MAMDC2: variants seen among roughly 807,000 people sequenced by gnomAD.
MAMDC2 encodes the protein MAM domain-containing protein 2.
Under a neutral mutation model 89.8 loss-of-function variants are expected in MAMDC2, and 57 were observed. That is an observed-to-expected ratio of 0.63 (90% CI 0.51 to 0.79). The LOEUF (loss-of-function observed/expected upper bound fraction) is 0.79. Among genes scored for constraint, MAMDC2 ranks in the 30% least tolerant of loss-of-function variants. MAMDC2 has a pLI of 0.00. For missense variants in MAMDC2, 800 were observed against 820.6 expected, an observed-to-expected ratio of 0.97 and a Z score of 0.31; for synonymous variants, 313 against 293.4, an observed-to-expected ratio of 1.07 and a Z score of -0.68.
At chr9:70,087,228 C>G (rs1827789459) in intron 2 of MAMDC2, 1 of 152,054 alleles carries the variant, frequency 6.6e-6, no homozygotes, top group Admixed American at 6.6e-5. Context: ...CTTTTGGACC[C>G]CAAGTGAAAA....
intron 11 of MAMDC2, among the ~76,000 whole-genome samples, chr9:70,196,158 G>A (rs536130826): frequency 6.6e-6 from 1 of 152,000 alleles, no homozygotes; most frequent in South Asian, 2.1e-4. Flanking sequence ...CACCATAACA[G>A]TATGGGGGGA....
intron 11 of MAMDC2, chr9:70,217,503 T>G (rs1587581119): frequency 6.6e-7 from 1 of 1,512,530 alleles, no homozygotes; most frequent in Admixed American, 1.7e-5. Context: ...TTAGAAAGGC[T>G]CAACGAGAAC....
chr9:70,198,490 T>A (rs1335192472), intron 11 of MAMDC2, among the ~76,000 whole-genome samples: 3 of 152,082 alleles, frequency 2.0e-5, no homozygotes, highest in African/African-American at 7.2e-5. Context: ...CAAATGATAC[T>A]AGAATATATA....
chr9:70,209,279 A>G (rs1255080194), intron 11 of MAMDC2, among the ~76,000 whole-genome samples: 1 of 152,112 alleles, frequency 6.6e-6, no homozygotes, highest in Non-Finnish European at 1.5e-5. Context: ...TTTGGTTGGT[A>G]GGCTATTAAT....
intron 2 of MAMDC2, among the ~76,000 whole-genome samples, chr9:70,053,865 A>T (rs1260687316): frequency 1.3e-5 from 2 of 152,136 alleles, no homozygotes; most frequent in Admixed American, 1.3e-4. Context: ...TATCTAAGGA[A>T]GAGATTATGA....
chr9:70,119,248 TA>T (rs1165051082), intron 5 of MAMDC2, among the ~76,000 whole-genome samples: 2 of 152,062 alleles, frequency 1.3e-5, no homozygotes, highest in African/African-American at 4.8e-5. Context: ...TGCTAAGATT[TA>T]AAAAACCAAG....
At chr9:70,057,809 A>G (rs1024843341) in intron 2 of MAMDC2, among the ~76,000 whole-genome samples, 1 of 152,190 alleles carries the variant, frequency 6.6e-6, no homozygotes, top group Admixed American at 6.5e-5. Flanking sequence ...ACGTTGACAA[A>G]GGAAAAAGCC....
At chr9:70,126,450 C>T (rs1368781227) in intron 6 of MAMDC2, 35 bp downstream of exon 6, 1 of 1,591,684 alleles carries the variant, frequency 6.3e-7, no homozygotes, top group African/African-American at 1.3e-5. Flanking sequence ...TGTTCACTGG[C>T]ACTCTTTAGA....
At chr9:70,195,054 AGGCT>A (rs2032950692) in intron 11 of MAMDC2, among the ~76,000 whole-genome samples, 1 of 152,136 alleles carries the variant, frequency 6.6e-6, no homozygotes, top group South Asian at 2.1e-4. Flanking sequence ...GTCTATTTTC[AGGCT>A]AATATGAAGT....
chr9:70,051,376 A>G (rs1406291411), intron 2 of MAMDC2, among the ~76,000 whole-genome samples: 1 of 152,196 alleles, frequency 6.6e-6, no homozygotes, highest in Non-Finnish European at 1.5e-5. Context: ...GATGTTTCCC[A>G]TACCATAATT....
intron 11 of MAMDC2, among the ~76,000 whole-genome samples, chr9:70,199,743 C>T (rs1005781106): frequency 1.1e-4 from 15 of 134,302 alleles, no homozygotes; most frequent in African/African-American, 3.3e-4. Context: ...GATTGCCATT[C>T]TAACTGGTGT....
intron 8 of MAMDC2, 21 bp downstream of exon 8, chr9:70,140,309 T>C: frequency 6.4e-7 from 1 of 1,564,910 alleles, no homozygotes. Flanking sequence ...GATCTGTCTA[T>C]GTGGGGACAT....
At chr9:70,199,177 A>T (rs1160088027) in intron 11 of MAMDC2, among the ~76,000 whole-genome samples, 1 of 130,102 alleles carries the variant, frequency 7.7e-6, no homozygotes, top group African/African-American at 2.8e-5. Flanking sequence ...ATCTAGCATT[A>T]GGTATATCTC....
chr9:70,204,713 G>A (rs1407358107), intron 11 of MAMDC2, among the ~76,000 whole-genome samples: 22 of 151,350 alleles, frequency 1.5e-4, no homozygotes, highest in African/African-American at 4.9e-4. Flanking sequence ...GCGAGATTCC[G>A]TGGGCGTAGG....
intron 5 of MAMDC2, among the ~76,000 whole-genome samples, chr9:70,123,475 G>T (rs2030380307): frequency 1.3e-5 from 2 of 152,220 alleles, no homozygotes; most frequent in South Asian, 4.2e-4. Context: ...GTGGCAAAGT[G>T]GAGCCAACAG....
At chr9:70,092,821 T>G (rs1827935338) in intron 2 of MAMDC2, 1 of 152,214 alleles carries the variant, frequency 6.6e-6, no homozygotes, top group African/African-American at 2.4e-5. Context: ...TTTACAGATA[T>G]CATGAGGTTT....
intron 9 of MAMDC2, among the ~76,000 whole-genome samples, chr9:70,168,091 G>A (rs1029611443): frequency 6.6e-6 from 1 of 152,190 alleles, no homozygotes; most frequent in Non-Finnish European, 1.5e-5. Flanking sequence ...TCTCTGTCAC[G>A]CAGTTAACTT....
intron 2 of MAMDC2, among the ~76,000 whole-genome samples, chr9:70,076,646 AC>A (rs1442708526): frequency 6.6e-6 from 1 of 152,120 alleles, no homozygotes; most frequent in Admixed American, 6.5e-5. Flanking sequence ...TGGGGAACAA[AC>A]TTTTTTTAAA....
rs1056601165 is a variant in MAMDC2 at position 70,043,918 on chromosome 9, C to T, written c.-280C>T. ...CAGTTGTCTCCTCCCTGTCCAGCCC[C>T]ATCGTCGCCCAGGACCAGCTGGGCC... On this transcript the variant is annotated 5_prime_UTR_variant, in exon 1 of 14. Coordinates refer to ENST00000377182, the MANE Select transcript of MAMDC2 (RefSeq NM_153267.5). 1.2e-5 allele frequency: 7 copies of T among 572,930 alleles called. No homozygotes were observed. In the South Asian group the frequency reaches 1.3e-4, roughly 10 times the overall value. 35.5% of individuals were successfully genotyped at this position (572,930 alleles called of 1,614,324 possible). A position where few individuals can be genotyped will look rare whatever the true frequency, so the allele number is the denominator to read the frequency against.
Sources: gnomAD v4.1 joint callset for allele counts (sites outside exome capture counted in the v4.1 genomes callset) on GRCh38, gnomAD v4.1.1 for gene constraint, MANE v1.5 for transcripts, NCBI Gene and HGNC (gene_info 2026-07-23, HGNC 2026-07-21) for gene names.